The following SLC35F3 variants were observed in gnomAD, a reference collection of about 807,000 sequenced individuals.
SLC35F3 encodes putative thiamine transporter SLC35F3.
Under a neutral mutation model 49.9 loss-of-function variants are expected in SLC35F3, and 25 were observed. That is an observed-to-expected ratio of 0.50 (90% confidence interval 0.37 to 0.70). The LOEUF is 0.70. SLC35F3 is among the 30% of genes least tolerant of loss of function. SLC35F3 has a pLI of 0.00. For synonymous variants in SLC35F3, 275 were observed against 265.4 expected, an observed-to-expected ratio of 1.04 and a Z score of -0.35; for missense variants, 525 against 639.8, an observed-to-expected ratio of 0.82 and a Z score of 1.94.
chr1:234,228,539 C>A (rs10910389), intron 2 of SLC35F3, among the ~76,000 whole-genome samples: 19,791 of 152,224 alleles, frequency 0.13, 3,090 homozygotes, highest in East Asian at 0.79. Context: ...CAGTGATTTC[C>A]TGTCTGATTG....
At chr1:234,051,173 A>C (rs1317061542) in intron 2 of SLC35F3, among the ~76,000 whole-genome samples, 3 of 152,144 alleles carry the variant, frequency 2.0e-5, no homozygotes, top group African/African-American at 7.2e-5. Context: ...CAATTCTGTG[A>C]AGAAAGTCAT....
At chr1:234,055,801 T>C (rs1038613786) in intron 2 of SLC35F3, among the ~76,000 whole-genome samples, 3 of 152,246 alleles carry the variant, frequency 2.0e-5, no homozygotes, top group African/African-American at 7.2e-5. Context: ...TATTTTGTTT[T>C]TGATAGAGAT....
At chr1:234,265,084 C>G (rs1667960586) in intron 3 of SLC35F3, among the ~76,000 whole-genome samples, 1 of 152,166 alleles carries the variant, frequency 6.6e-6, no homozygotes, top group African/African-American at 2.4e-5. Flanking sequence ...TCTCATGTCT[C>G]CCTGATGATG....
Position 234,061,190 on chromosome 1 carries a change from C to CG in SLC35F3, c.283+155433dup, listed in dbSNP as rs1458668889. Among the ~76,000 whole-genome samples the CG allele has an allele frequency of 2.6e-5, 4 of 151,866 alleles. No homozygotes were observed. The East Asian group carries it at 5.8e-4, about 22-fold the overall frequency. Reference sequence around the variant, plus strand: ...TTCTCAGTTTTTGTTTATCTCAAGGCGTCTTTTCTTTTCTTTTTTGTCATG... The same window carrying CG: ...TTCTCAGTTTTTGTTTATCTCAAGGCGGTCTTTTCTTTTCTTTTTTGTCATG... On this transcript the variant is annotated intron_variant, in intron 2 of 7. Coordinates refer to ENST00000366618, the MANE Select transcript of SLC35F3 (RefSeq NM_173508.4).
At chr1:234,136,244 T>TTCTCTTTCTTTTTCTGTCTTTCTTTCTC (rs1275180707) in intron 2 of SLC35F3, among the ~76,000 whole-genome samples, 2 of 135,766 alleles carry the variant, frequency 1.5e-5, no homozygotes, top group African/African-American at 5.4e-5. Context: ...CTTCCTCTCT[T>TTCTCTTTCTTTTTCTGTCTTTCTTTCTC]TCTCTTTCTT....
At chr1:234,025,526 A>G (rs1456818848) in intron 2 of SLC35F3, among the ~76,000 whole-genome samples, 1 of 152,178 alleles carries the variant, frequency 6.6e-6, no homozygotes, top group Admixed American at 6.5e-5. Context: ...CTGGTTTGAG[A>G]TGGTGTCTCA....
chr1:234,240,138 T>C (rs1345218874), intron 3 of SLC35F3, among the ~76,000 whole-genome samples: 1 of 152,138 alleles, frequency 6.6e-6, no homozygotes, highest in African/African-American at 2.4e-5. Flanking sequence ...TGTCATAAAA[T>C]GATGCTGATA....
chr1:233,949,540 C>T (rs1662569186), intron 2 of SLC35F3, among the ~76,000 whole-genome samples: 1 of 152,186 alleles, frequency 6.6e-6, no homozygotes, highest in African/African-American at 2.4e-5. Context: ...CTGTTTCCAG[C>T]TGGGAGATCA....
intron 2 of SLC35F3, among the ~76,000 whole-genome samples, chr1:234,069,684 G>A (rs1252681548): frequency 6.6e-6 from 1 of 152,102 alleles, no homozygotes; most frequent in East Asian, 1.9e-4. Context: ...CCTCCCCCAG[G>A]GTCCTCAGAA....
At chr1:233,920,193 C>G (rs556439069) in intron 2 of SLC35F3, among the ~76,000 whole-genome samples, 1 of 152,192 alleles carries the variant, frequency 6.6e-6, no homozygotes, top group Admixed American at 6.5e-5. Context: ...AGGGGAAGAT[C>G]TGTTTCTTAA....
chr1:233,931,275 A>G (rs1662237958), intron 2 of SLC35F3, among the ~76,000 whole-genome samples: 1 of 152,238 alleles, frequency 6.6e-6, no homozygotes, highest in Non-Finnish European at 1.5e-5. Context: ...ACAAAAGCCA[A>G]AAGTGACAAA....
chr1:234,267,509 T>C (rs1668007385), intron 3 of SLC35F3, among the ~76,000 whole-genome samples: 1 of 142,502 alleles, frequency 7.0e-6, no homozygotes, highest in African/African-American at 2.8e-5. Context: ...GGCGGGGGGC[T>C]GACCCCCCCA....
At chr1:234,025,697 T>C (rs1663966255) in intron 2 of SLC35F3, among the ~76,000 whole-genome samples, 1 of 152,226 alleles carries the variant, frequency 6.6e-6, no homozygotes, top group African/African-American at 2.4e-5. Context: ...TTTAAGTTTC[T>C]GATAGATTCT....
intron 3 of SLC35F3, among the ~76,000 whole-genome samples, chr1:234,284,132 C>T (rs1316680634): frequency 4.6e-5 from 7 of 152,130 alleles, no homozygotes; most frequent in South Asian, 2.1e-4. Context: ...CTTGAACTCC[C>T]GGGCTCAAGC....
intron 2 of SLC35F3, among the ~76,000 whole-genome samples, chr1:233,946,740 G>T (rs114801525): frequency 6.6e-6 from 1 of 152,338 alleles, no homozygotes; most frequent in East Asian, 1.9e-4. Context: ...CTGACTGTGC[G>T]TGCACCTGAG....
At chr1:233,965,000 TC>T (rs1418436633) in intron 2 of SLC35F3, among the ~76,000 whole-genome samples, 1 of 152,154 alleles carries the variant, frequency 6.6e-6, no homozygotes, top group African/African-American at 2.4e-5. Context: ...ATGGCCAGTG[TC>T]ATGAAGTTGT....
At chr1:234,174,115 C>T (rs1666441874) in intron 2 of SLC35F3, among the ~76,000 whole-genome samples, 1 of 152,096 alleles carries the variant, frequency 6.6e-6, no homozygotes, top group South Asian at 2.1e-4. Context: ...GGCATGGTGC[C>T]ACAGAGAATG....
At chr1:234,090,565 A>T (rs564156811) in intron 2 of SLC35F3, among the ~76,000 whole-genome samples, 2 of 152,376 alleles carry the variant, frequency 1.3e-5, no homozygotes, top group South Asian at 4.1e-4. Flanking sequence ...GTTAACTGGC[A>T]GGTACGAAAG....
chr1:234,184,156 A>C (rs1666600879), intron 2 of SLC35F3, among the ~76,000 whole-genome samples: 1 of 152,090 alleles, frequency 6.6e-6, no homozygotes, highest in South Asian at 2.1e-4. Context: ...AAAAACAAAA[A>C]ACCTAAATGC....
Sources: allele counts gnomAD v4.1 joint callset (sites outside exome capture counted in the v4.1 genomes callset), GRCh38; gene constraint gnomAD v4.1.1; transcripts MANE v1.5; gene names NCBI Gene and HGNC (gene_info 2026-07-23, HGNC 2026-07-21).